SEMA6D: variants seen among roughly 807,000 people sequenced by gnomAD.
SEMA6D encodes the protein semaphorin 6D.
SEMA6D carries 35 observed loss-of-function variants against 106.6 expected under a neutral mutation model. The ratio of observed to expected loss-of-function variants is 0.33; its 90% confidence interval spans 0.25 to 0.44. The LOEUF (loss-of-function observed/expected upper bound fraction) is 0.44, where lower values mean the gene tolerates loss of function less well. Ranked by LOEUF, SEMA6D falls within the 20% of genes least tolerant of loss-of-function variation. SEMA6D has a pLI of 1.00. For missense variants in SEMA6D, 1,185 were observed against 1,345.9 expected (o/e 0.88, Z 1.87); for synonymous variants, 499 against 487.7 (o/e 1.02, Z -0.31).
chr15:47,630,997 G>T (rs1051010630), intron 4 of SEMA6D, among the ~76,000 whole-genome samples: 1 of 151,696 alleles, frequency 6.6e-6, no homozygotes, highest in Non-Finnish European at 1.5e-5. Flanking sequence ...GATTTGATTT[G>T]TTAAAATATT....
At chr15:47,244,903 G>A (rs2033117306) in intron 1 of SEMA6D, among the ~76,000 whole-genome samples, 1 of 152,090 alleles carries the variant, frequency 6.6e-6, no homozygotes, top group African/African-American at 2.4e-5. Context: ...TTATGTCCAT[G>A]AGTACCCAAT....
At chr15:47,351,805 A>G (rs534848568) in intron 1 of SEMA6D, among the ~76,000 whole-genome samples, 2 of 152,336 alleles carry the variant, frequency 1.3e-5, no homozygotes, top group South Asian at 2.1e-4. Context: ...TCTGGTGAAC[A>G]ACTGAAAATT....
chr15:47,266,392 G>A, intron 1 of SEMA6D, among the ~76,000 whole-genome samples: 1 of 152,056 alleles, frequency 6.6e-6, no homozygotes, highest in East Asian at 1.9e-4. Context: ...AGAACTGTTG[G>A]TGGAGACAGA....
At chr15:47,327,174 T>C (rs2037164897) in intron 1 of SEMA6D, among the ~76,000 whole-genome samples, 1 of 152,332 alleles carries the variant, frequency 6.6e-6, no homozygotes, top group Non-Finnish European at 1.5e-5. Flanking sequence ...TAGGTGACCT[T>C]GGTTTAAGTT....
intron 1 of SEMA6D, among the ~76,000 whole-genome samples, chr15:47,290,832 G>C (rs779414354): frequency 2.0e-5 from 3 of 152,120 alleles, no homozygotes; most frequent in Non-Finnish European, 4.4e-5. Flanking sequence ...TTAACCATTC[G>C]CATGGGTGCA....
chr15:47,262,157 G>A (rs995619101), intron 1 of SEMA6D, among the ~76,000 whole-genome samples: 1 of 151,980 alleles, frequency 6.6e-6, no homozygotes, highest in Non-Finnish European at 1.5e-5. Flanking sequence ...CGAGGAGAAC[G>A]ACAAACCACT....
intron 1 of SEMA6D, among the ~76,000 whole-genome samples, chr15:47,392,862 T>C (rs1025143): frequency 0.49 from 75,215 of 152,016 alleles, 21,578 homozygotes; most frequent in African/African-American, 0.8. Flanking sequence ...AAACAAGGGA[T>C]ATCCCCAGTT....
intron 7 of SEMA6D, 97 bp from the exon 8 acceptor site, chr15:47,762,103 C>A: frequency 1.5e-6 from 2 of 1,341,928 alleles, no homozygotes; most frequent in Non-Finnish European, 2.1e-6. Context: ...AATGGTAATA[C>A]CAGTGAGAGC....
intron 1 of SEMA6D, among the ~76,000 whole-genome samples, chr15:47,217,566 G>GGTGT (rs146342466): frequency 0.34 from 49,972 of 145,694 alleles, 8,701 homozygotes; most frequent in Middle Eastern, 0.46. Flanking sequence ...CGCGTGCACG[G>GGTGT]GTGTGTGTGT....
chr15:47,601,603 A>G (rs897341518), intron 4 of SEMA6D, among the ~76,000 whole-genome samples: 1 of 152,208 alleles, frequency 6.6e-6, no homozygotes, highest in South Asian at 2.1e-4. Context: ...AATGAGAGCA[A>G]TGGTAAAGCT....
intron 1 of SEMA6D, among the ~76,000 whole-genome samples, chr15:47,727,455 T>C (rs2079830997): frequency 6.6e-6 from 1 of 152,168 alleles, no homozygotes; most frequent in South Asian, 2.1e-4. Context: ...TGCCTACAGA[T>C]TGCCTGGCAT....
chr15:47,556,501 A>G (rs2142546817), intron 3 of SEMA6D, among the ~76,000 whole-genome samples: 1 of 152,304 alleles, frequency 6.6e-6, no homozygotes, highest in African/African-American at 2.4e-5. Flanking sequence ...ATGAGGTACT[A>G]TGCTGGGCAT....
chr15:47,560,615 A>AG (rs1487407921), intron 3 of SEMA6D, among the ~76,000 whole-genome samples: 1 of 152,120 alleles, frequency 6.6e-6, no homozygotes, highest in African/African-American at 2.4e-5. Flanking sequence ...GAATTTTTAG[A>AG]GGGGAAAAAA....
chr15:47,297,446 T>C (rs1338840046), intron 1 of SEMA6D, among the ~76,000 whole-genome samples: 1 of 152,084 alleles, frequency 6.6e-6, no homozygotes, highest in Non-Finnish European at 1.5e-5. Flanking sequence ...TGATACTATT[T>C]CTCCCCCCAC....
At chr15:47,291,369 G>A (rs773186111) in intron 1 of SEMA6D, among the ~76,000 whole-genome samples, 41 of 152,140 alleles carry the variant, frequency 2.7e-4, no homozygotes, top group Non-Finnish European at 5.1e-4. Context: ...CCTCCCTCAC[G>A]TTCAGAAAAC....
At chr15:47,720,802 C>G (rs1230509925) in intron 1 of SEMA6D, among the ~76,000 whole-genome samples, 1 of 152,172 alleles carries the variant, frequency 6.6e-6, no homozygotes, top group East Asian at 1.9e-4. Context: ...GTGAGTTTCA[C>G]TAAGATACAA....
At chr15:47,277,675 A>G (rs940428421) in intron 1 of SEMA6D, among the ~76,000 whole-genome samples, 1 of 151,016 alleles carries the variant, frequency 6.6e-6, no homozygotes, top group Admixed American at 6.6e-5. Context: ...GGTTAGTTAC[A>G]TATGTATACA....
chr15:47,647,489 C>T (rs1773846951), intron 4 of SEMA6D, among the ~76,000 whole-genome samples: 1 of 152,098 alleles, frequency 6.6e-6, no homozygotes, highest in African/African-American at 2.4e-5. Context: ...TGTGCATGTG[C>T]AAAATGTGTA....
chr15:47,424,904 G>A lies in SEMA6D; in HGVS notation c.-159+12432G>A, dbSNP rs281225. ...TTACATAGCCTCTTAATCTGGGAGAGGGAGGTGGGAGATGCAGGCAATTTT... is the reference window on the plus strand; with the variant it reads ...TTACATAGCCTCTTAATCTGGGAGAAGGAGGTGGGAGATGCAGGCAATTTT... On this transcript the variant is annotated intron_variant, in intron 2 of 19. Transcript: ENST00000558014. 1.7e-3 allele frequency among the ~76,000 whole-genome samples: 261 copies of A among 152,226 alleles called. 2 individuals carry two copies. Among genetic ancestry groups the A allele is most frequent in the African/African-American group, 5.9e-3 (244 of 41,554 alleles).
Sources: allele counts gnomAD v4.1 joint callset (sites outside exome capture counted in the v4.1 genomes callset), GRCh38; gene constraint gnomAD v4.1.1; transcripts MANE v1.5; gene names NCBI Gene and HGNC (gene_info 2026-07-23, HGNC 2026-07-21).